HS3ST4: variants seen among roughly 807,000 people sequenced by gnomAD.
The protein encoded by HS3ST4 is heparan sulfate-glucosamine 3-sulfotransferase 4, also known as heparan sulfate glucosamine 3-O-sulfotransferase 4.
HS3ST4 carries 17 observed loss-of-function variants against 29.2 expected under a neutral mutation model. The observed-to-expected ratio is 0.58, with a 90% CI of 0.40 to 0.87. The LOEUF (loss-of-function observed/expected upper bound fraction) is 0.87, where lower values mean the gene tolerates loss of function less well. Ranked by LOEUF, HS3ST4 falls within the 40% of genes least tolerant of loss-of-function variation. The pLI is 0.00. For synonymous variants in HS3ST4, 314 were observed against 285.7 expected, an observed-to-expected ratio of 1.10 and a Z score of -1.00; for missense variants, 627 against 634.5, an observed-to-expected ratio of 0.99 and a Z score of 0.13.
At chr16:26,130,884 C>T (rs912119894) in intron 1 of HS3ST4, among the ~76,000 whole-genome samples, 1 of 152,218 alleles carries the variant, frequency 6.6e-6, no homozygotes, top group Non-Finnish European at 1.5e-5. Context: ...CCTGTGTCAA[C>T]ATGATTACTC....
chr16:26,011,714 CAG>C (rs1276707072), intron 1 of HS3ST4, among the ~76,000 whole-genome samples: 2 of 93,442 alleles, frequency 2.1e-5, no homozygotes, highest in Admixed American at 2.1e-4. Context: ...GAGAGAGAGA[CAG>C]AGAGAGGTGT....
intron 1 of HS3ST4, among the ~76,000 whole-genome samples, chr16:26,033,972 C>G (rs544542812): frequency 4.6e-5 from 7 of 152,162 alleles, no homozygotes; most frequent in African/African-American, 1.7e-4. Context: ...TATAGTATTG[C>G]TTAACAAATA....
intron 1 of HS3ST4, among the ~76,000 whole-genome samples, chr16:25,766,638 T>C (rs1006984504): frequency 6.6e-6 from 1 of 152,230 alleles, no homozygotes; most frequent in African/African-American, 2.4e-5. Context: ...TGAATGTCTG[T>C]TATATGTCAG....
At chr16:26,037,066 C>A (rs530274474) in intron 1 of HS3ST4, among the ~76,000 whole-genome samples, 24 of 152,318 alleles carry the variant, frequency 1.6e-4, no homozygotes, top group African/African-American at 5.8e-4. Flanking sequence ...GGGTACCAAT[C>A]AAGGTATCTC....
Position 25,994,000 on chromosome 16 carries a change from G to A in HS3ST4, c.735-141612G>A, listed in dbSNP as rs1357670074. Among the ~76,000 whole-genome samples the A allele has an allele frequency of 2.7e-5, 4 of 145,928 alleles. No individual in the cohort carries two copies. The East Asian group carries it at 6.2e-4, about 23-fold the overall frequency. ...TGTGTGTGTGTGTGTGTGTGTGTGT[G>A]TGTGTGTGGTGGAGAGAGAGAGAGA... On this transcript the variant is annotated intron_variant, in intron 1 of 1. Coordinates refer to ENST00000331351, the MANE Select transcript of HS3ST4 (RefSeq NM_006040.3).
At chr16:25,862,415 A>C (rs887558736) in intron 1 of HS3ST4, among the ~76,000 whole-genome samples, 3 of 152,054 alleles carry the variant, frequency 2.0e-5, no homozygotes, top group Non-Finnish European at 4.4e-5. Flanking sequence ...CTGGTCTCGA[A>C]CTCTTGACCT....
At chr16:25,828,343 T>TCTCTCTCTTTCC (rs1967257540) in intron 1 of HS3ST4, among the ~76,000 whole-genome samples, 1 of 138,472 alleles carries the variant, frequency 7.2e-6, no homozygotes. Context: ...TCTCTCTTTC[T>TCTCTCTCTTTCC]CCCTTTCTCT....
intron 1 of HS3ST4, among the ~76,000 whole-genome samples, chr16:25,721,955 G>A (rs914656103): frequency 3.3e-5 from 5 of 152,134 alleles, no homozygotes; most frequent in African/African-American, 1.2e-4. Context: ...AGAAGATGTG[G>A]GGAGGCTTTT....
intron 1 of HS3ST4, among the ~76,000 whole-genome samples, chr16:25,712,947 G>T (rs7192999): frequency 6.6e-6 from 1 of 152,192 alleles, no homozygotes; most frequent in Non-Finnish European, 1.5e-5. Context: ...TATTCTCCCT[G>T]TGTCTTCACA....
intron 1 of HS3ST4, among the ~76,000 whole-genome samples, chr16:26,013,645 T>C (rs1969333228): frequency 6.6e-6 from 1 of 152,196 alleles, no homozygotes; most frequent in Non-Finnish European, 1.5e-5. Flanking sequence ...ATGTCGAAAG[T>C]GTTCTCACCT....
chr16:26,079,762 A>G (rs1213199048), intron 1 of HS3ST4, among the ~76,000 whole-genome samples: 2 of 152,156 alleles, frequency 1.3e-5, no homozygotes, highest in East Asian at 1.9e-4. Flanking sequence ...CCTTTTGAGG[A>G]CTGTGCATCT....
At chr16:25,998,784 T>C (rs1969178616) in intron 1 of HS3ST4, among the ~76,000 whole-genome samples, 1 of 152,166 alleles carries the variant, frequency 6.6e-6, no homozygotes, top group South Asian at 2.1e-4. Context: ...TTTCCTCTTT[T>C]CTGCATTTGA....
chr16:25,921,602 G>A (rs990342279), intron 1 of HS3ST4, among the ~76,000 whole-genome samples: 6 of 152,144 alleles, frequency 3.9e-5, no homozygotes, highest in Admixed American at 3.9e-4. Flanking sequence ...AAGAGCAGAA[G>A]CTGGTGCAAT....
intron 1 of HS3ST4, among the ~76,000 whole-genome samples, chr16:25,894,272 A>T (rs1968038288): frequency 2.0e-5 from 3 of 152,282 alleles, no homozygotes; most frequent in South Asian, 4.1e-4. Flanking sequence ...TCTTAGTTTA[A>T]GCCTGATTTG....
intron 1 of HS3ST4, among the ~76,000 whole-genome samples, chr16:25,803,447 C>A (rs1335131835): frequency 6.6e-6 from 1 of 152,078 alleles, no homozygotes; most frequent in Admixed American, 6.6e-5. Flanking sequence ...AGCACTGGAG[C>A]CAGGAGAATA....
At chr16:25,747,288 C>A (rs1034847202) in intron 1 of HS3ST4, among the ~76,000 whole-genome samples, 2 of 152,242 alleles carry the variant, frequency 1.3e-5, no homozygotes, top group Non-Finnish European at 2.9e-5. Flanking sequence ...GCTGGTGACA[C>A]CACAGGCATA....
chr16:25,732,841 G>A (rs904569036), intron 1 of HS3ST4, among the ~76,000 whole-genome samples: 12 of 152,122 alleles, frequency 7.9e-5, no homozygotes, highest in African/African-American at 2.7e-4. Context: ...TCGCCCAATC[G>A]GTCGCAATAG....
At chr16:26,108,515 G>A (rs556813836) in intron 1 of HS3ST4, among the ~76,000 whole-genome samples, 2 of 152,290 alleles carry the variant, frequency 1.3e-5, no homozygotes, top group South Asian at 4.1e-4. Flanking sequence ...GTGAATAGTG[G>A]TTAAGAGCAA....
At chr16:25,710,234 TG>T (rs1277656190) in intron 1 of HS3ST4, among the ~76,000 whole-genome samples, 2 of 152,252 alleles carry the variant, frequency 1.3e-5, no homozygotes, top group African/African-American at 4.8e-5. Context: ...CTGTCCACCT[TG>T]TGTGTTGTTT....
Sources: allele counts gnomAD v4.1 joint callset (sites outside exome capture counted in the v4.1 genomes callset), GRCh38; gene constraint gnomAD v4.1.1; transcripts MANE v1.5; gene names NCBI Gene and HGNC (gene_info 2026-07-23, HGNC 2026-07-21).